The following EPS8 variants were observed in gnomAD, a reference collection of about 807,000 sequenced individuals.
EPS8 encodes the protein epidermal growth factor receptor kinase substrate 8.
Under a neutral mutation model 103.8 loss-of-function variants are expected in EPS8, and 42 were observed. The observed-to-expected ratio is 0.40, with a 90% CI of 0.32 to 0.52. The LOEUF (loss-of-function observed/expected upper bound fraction) is 0.52, where lower values mean the gene tolerates loss of function less well. Ranked by LOEUF, EPS8 falls within the 20% of genes least tolerant of loss-of-function variation. The pLI is 0.40. For missense variants in EPS8, 969 were observed against 1,005.1 expected, an observed-to-expected ratio of 0.96 and a Z score of 0.49; for synonymous variants, 344 against 344.6, an observed-to-expected ratio of 1.00 and a Z score of 0.02.
rs989614364 is a variant in EPS8 at position 15,787,247 on chromosome 12, A to G, written c.-22+1914T>C. ...AGCAGTAGGGTAAAGGGTGTGAAAC[A>G]GAGTGTAAGAAAATAACTAGGATTT... On this transcript the variant is annotated intron_variant, in intron 1 of 20. Transcript: ENST00000281172. The surrounding 1 kb of genome is among the most constrained non-coding windows in gnomAD (Gnocchi z 4.9). Among the ~76,000 whole-genome samples, 4 of 152,220 alleles carry G rather than the reference A, an allele frequency of 2.6e-5. No individual in the cohort carries two copies. The highest frequency in any genetic ancestry group is 9.6e-5 in the African/African-American group (4 of 41,472).
chr12:15,682,795 A>G, intron 2 of EPS8, 98 bp downstream of exon 2: 2 of 689,894 alleles, frequency 2.9e-6, no homozygotes, highest in Non-Finnish European at 5.0e-6. Context: ...CTACTGAACT[A>G]CACAACGAAA....
chr12:15,683,112 G>C, intron 1 of EPS8, 140 bp from the exon 2 acceptor site: 1 of 515,494 alleles, frequency 1.9e-6, no homozygotes, highest in Non-Finnish European at 3.3e-6. Flanking sequence ...CACCCTCAAA[G>C]AGCTCAGGCC....
intron 1 of EPS8, among the ~76,000 whole-genome samples, chr12:15,741,260 T>C (rs944720574): frequency 5.9e-5 from 9 of 152,198 alleles, no homozygotes; most frequent in Non-Finnish European, 1.3e-4. Context: ...GGCTTAGCAC[T>C]GTGACTCATG....
chr12:15,703,853 T>G (rs948292240), intron 1 of EPS8, among the ~76,000 whole-genome samples: 4 of 144,782 alleles, frequency 2.8e-5, no homozygotes. Flanking sequence ...ATTTGTTTTT[T>G]TTTTTTTTTT....
rs766379868 is a variant in EPS8 at position 15,658,180 on chromosome 12, G to A, written c.1027-27C>T. 5.3e-6 allele frequency: 8 copies of A among 1,519,482 alleles called. No homozygotes were observed. The East Asian group carries it at 1.6e-4, about 30-fold the overall frequency. 94.1% of individuals were successfully genotyped at this position (1,519,482 alleles called of 1,614,324 possible). On this transcript the variant is annotated intron_variant, in intron 11 of 20. Transcript: ENST00000281172. ...TGCAACATGAAGAAAACAGAAAACA[G>A]ATTACTATCAAGCAAGACAGACACT...
chr12:15,729,921 C>T (rs1037387025), intron 1 of EPS8, among the ~76,000 whole-genome samples: 20 of 152,184 alleles, frequency 1.3e-4, no homozygotes, highest in Non-Finnish European at 2.2e-4. Context: ...CCTCCCCACA[C>T]ACCTCTTGAA....
chr12:15,624,552 T>G, intron 18 of EPS8, 145 bp from the exon 19 acceptor site: 1 of 544,654 alleles, frequency 1.8e-6, no homozygotes, highest in Non-Finnish European at 3.2e-6. Context: ...TATCCTCGCC[T>G]GGTATAAATG....
chr12:15,699,415 T>C lies in EPS8; in HGVS notation c.-21-16443A>G, dbSNP rs374425841. On this transcript the variant is annotated intron_variant, in intron 1 of 20. Transcript: ENST00000281172. ...AAAATGAGAATGATTGTTATGAGGATTATATGCAAAAGCACACACAGATCA... is the reference window on the plus strand; with the variant it reads ...AAAATGAGAATGATTGTTATGAGGACTATATGCAAAAGCACACACAGATCA... Among the ~76,000 whole-genome samples, 22 of 152,362 alleles carry C rather than the reference T, an allele frequency of 1.4e-4. No individual in the cohort carries two copies. The East Asian group carries it at 3.9e-3, about 27-fold the overall frequency.
chr12:15,645,459 ACTTTCAATAAT>A (rs1945304721), intron 15 of EPS8, among the ~76,000 whole-genome samples: 1 of 152,112 alleles, frequency 6.6e-6, no homozygotes, highest in African/African-American at 2.4e-5. Context: ...TCATTATTTA[ACTTTCAATAAT>A]AATACCACTT....
chr12:15,652,408 C>A (rs1945430958), intron 13 of EPS8, among the ~76,000 whole-genome samples: 1 of 152,130 alleles, frequency 6.6e-6, no homozygotes, highest in East Asian at 1.9e-4. Context: ...TAACACTAAT[C>A]TATTGTACAT....
At chr12:15,642,385 A>G (rs1194696140) in intron 15 of EPS8, among the ~76,000 whole-genome samples, 1 of 152,172 alleles carries the variant, frequency 6.6e-6, no homozygotes, top group African/African-American at 2.4e-5. Flanking sequence ...ATTAAGTATG[A>G]GACTAGTAAC....
chr12:15,634,454 C>T (rs1005180093), intron 17 of EPS8, among the ~76,000 whole-genome samples: 5 of 152,072 alleles, frequency 3.3e-5, no homozygotes, highest in African/African-American at 1.2e-4. Flanking sequence ...AGTAGAAATT[C>T]TAAAGAATTA....
chr12:15,640,151 T>C (rs1945203871), intron 17 of EPS8, among the ~76,000 whole-genome samples: 2 of 152,242 alleles, frequency 1.3e-5, no homozygotes, highest in African/African-American at 4.8e-5. Flanking sequence ...GCCTGACCTA[T>C]CTAATCTATA....
rs1286600897 is a variant in EPS8, at chr12:15,752,642, A to C, written c.-22+36519T>G. On this transcript the variant is annotated intron_variant, in intron 1 of 20. Coordinates refer to ENST00000281172, the MANE Select transcript of EPS8 (RefSeq NM_004447.6). This position sits in a 1 kb window ranked among gnomAD's most constrained non-coding sequence, Gnocchi z 4.4. ...AAAAAAAGTCTTTATAATTGTAATA[A>C]CCAATGGGTATGATTTCCCTTCTCC... 6.6e-6 allele frequency among the ~76,000 whole-genome samples: 1 copy of C among 151,962 alleles called. No individual in the cohort carries two copies. Among genetic ancestry groups the C allele is most frequent in the Non-Finnish European group, 1.5e-5 (1 of 67,998 alleles).
chr12:15,718,992 A>G (rs1408183766), intron 1 of EPS8, among the ~76,000 whole-genome samples: 1 of 152,112 alleles, frequency 6.6e-6, no homozygotes, highest in Non-Finnish European at 1.5e-5. Flanking sequence ...AACCTCTCCT[A>G]TCTATAATCA....
chr12:15,730,577 T>C (rs1946703628), intron 1 of EPS8, among the ~76,000 whole-genome samples: 2 of 152,206 alleles, frequency 1.3e-5, no homozygotes, highest in Admixed American at 1.3e-4. Flanking sequence ...GACTTTAAGA[T>C]AGATAATTCT....
At position 15,778,497 on chromosome 12, in the gene EPS8, C is replaced by T. The variant is rs1251303883; in HGVS notation, c.-22+10664G>A. 6.6e-6 allele frequency among the ~76,000 whole-genome samples: 1 copy of T among 152,198 alleles called. No individual in the cohort carries two copies. The highest frequency in any genetic ancestry group is 2.4e-5 in the African/African-American group (1 of 41,452). Reference sequence around the variant, plus strand: ...TGATGTGCAAAAAACAAAACAAAAACACTGTAGTTTATGGTACACAGTACT... The same window carrying T: ...TGATGTGCAAAAAACAAAACAAAAATACTGTAGTTTATGGTACACAGTACT... On this transcript the variant is annotated intron_variant, in intron 1 of 20. Transcript: ENST00000281172. The surrounding 1 kb of genome is among the most constrained non-coding windows in gnomAD (Gnocchi z 4.5).
intron 19 of EPS8, among the ~76,000 whole-genome samples, chr12:15,623,534 T>C (rs779713567): frequency 6.6e-5 from 10 of 152,140 alleles, no homozygotes; most frequent in Non-Finnish European, 1.5e-4. Context: ...TTTAGGGTCA[T>C]TGTTTAATAC....
rs567280163 is a variant in EPS8, at chr12:15,758,794, G to C, written c.-22+30367C>G. ...TGATATAGTGGTTATGTAGGAGAAT[G>C]TCCTTGTTCTTAGGAGATATATAAT... is the stretch of plus-strand genomic sequence containing the variant. On this transcript the variant is annotated intron_variant, in intron 1 of 20. Transcript: ENST00000281172. Among the ~76,000 whole-genome samples the C allele has an allele frequency of 1.8e-4, 27 of 152,306 alleles. 1 individual carries two copies. The South Asian group carries it at 5.6e-3, about 32-fold the overall frequency.
Sources: allele counts gnomAD v4.1 joint callset (sites outside exome capture counted in the v4.1 genomes callset), GRCh38; gene constraint gnomAD v4.1.1; non-coding constraint Gnocchi (gnomAD v3.1); transcripts MANE v1.5; gene names NCBI Gene and HGNC (gene_info 2026-07-23, HGNC 2026-07-21).